The following SLC22A24 variants were observed in gnomAD, a reference collection of about 807,000 sequenced individuals.
The protein encoded by SLC22A24 is steroid transmembrane transporter SLC22A24.
SLC22A24 carries 53 observed loss-of-function variants against 49.8 expected under a neutral mutation model. The ratio of observed to expected loss-of-function variants is 1.06; its 90% CI spans 0.85 to 1.34. SLC22A24 has a LOEUF of 1.34. Ranked by LOEUF, SLC22A24 falls within the 40% of genes most tolerant of loss-of-function variation. SLC22A24 has a pLI of 0.00. For missense variants in SLC22A24, 786 were observed against 675.9 expected (o/e 1.16, Z -1.81); for synonymous variants, 302 against 256.4 (o/e 1.18, Z -1.70).
At chr11:63,137,982 A>G (rs2087387523) in intron 1 of SLC22A24, 1 of 152,420 alleles carries the variant, frequency 6.6e-6, no homozygotes, top group Admixed American at 6.5e-5. Flanking sequence ...ATTAATAAAA[A>G]AAGGATTTAT....
chr11:63,098,956 A>G (rs763338362), intron 5 of SLC22A24, among the ~76,000 whole-genome samples: 52 of 152,156 alleles, frequency 3.4e-4, no homozygotes, highest in Admixed American at 1.4e-3. Flanking sequence ...CAGAAATTCA[A>G]AGGGTTATTA....
chr11:63,124,917 C>T (rs914121089), intron 2 of SLC22A24, among the ~76,000 whole-genome samples: 3 of 148,438 alleles, frequency 2.0e-5, no homozygotes, highest in African/African-American at 7.5e-5. Context: ...AACACATGGA[C>T]ACAGGAAGGG....
In SLC22A24 at chr11:63,127,496, G is replaced by T. The variant is rs1260784008; in HGVS notation, c.506+7169C>A. On this transcript the variant is annotated intron_variant, in intron 2 of 9. Transcript: ENST00000612278. ...TATAATCCTTTGGGTATATACCCAG[G>T]AATGTGATTGCTGGGTCAAATGGTA... 2.0e-5 allele frequency among the ~76,000 whole-genome samples: 3 copies of T among 152,104 alleles called. No homozygotes were observed. In the South Asian group the frequency reaches 6.2e-4, roughly 32 times the overall value.
At chr11:63,112,707 T>A (rs1377809826) in intron 4 of SLC22A24, among the ~76,000 whole-genome samples, 25 of 152,106 alleles carry the variant, frequency 1.6e-4, no homozygotes, top group Admixed American at 1.6e-3. Context: ...CTGCATCTTT[T>A]AACTGGGGCA....
Position 63,083,362 on chromosome 11 carries a change from G to T in SLC22A24, c.1166C>A (p.Thr389Lys). The change falls in exon 7 of 10, where the codon ACA becomes AAA. Residue 389 changes from threonine to lysine, a missense_variant. By Grantham distance (78) the Thr-to-Lys change is moderately conservative. Coordinates refer to ENST00000612278, the MANE Select transcript of SLC22A24 (RefSeq NM_001136506.2). ...SLFQILCGAVTFTARCVSLLT... is the reference protein window; with the variant it reads ...SLFQILCGAVKFTARCVSLLT... ...AAGGGAAACACATCTGGCTGTGAATGTGACAGCTCCACAGAGAATCTGGAA... is the reference window on the plus strand; with the variant it reads ...AAGGGAAACACATCTGGCTGTGAATTTGACAGCTCCACAGAGAATCTGGAA... 11 of 1,552,670 alleles carry T rather than the reference G, an allele frequency of 7.1e-6. No homozygotes were observed. The highest frequency in any genetic ancestry group is 2.0e-5 in the Admixed American group (1 of 51,100).
chr11:63,111,162 T>C (rs983813395), intron 4 of SLC22A24, among the ~76,000 whole-genome samples: 4 of 152,000 alleles, frequency 2.6e-5, no homozygotes, highest in African/African-American at 4.8e-5. Context: ...TATTGATTTG[T>C]GTATGTTGAA....
rs1340221194 is a variant in SLC22A24 at position 63,127,140 on chromosome 11, C to G, written c.506+7525G>C. Among the ~76,000 whole-genome samples, 3 of 152,230 alleles carry G rather than the reference C, an allele frequency of 2.0e-5. No individual in the cohort carries two copies. The South Asian group carries it at 6.2e-4, about 32-fold the overall frequency. Reference sequence around the variant, plus strand: ...CTGTCACTGCCCCAGCCCCCCACTCCCTGACAGGCCCTGGTATGTGATGTT... The same window carrying G: ...CTGTCACTGCCCCAGCCCCCCACTCGCTGACAGGCCCTGGTATGTGATGTT... On this transcript the variant is annotated intron_variant, in intron 2 of 9. Coordinates refer to ENST00000612278, the MANE Select transcript of SLC22A24 (RefSeq NM_001136506.2).
At chr11:63,099,862 A>G (rs1590733723) in intron 5 of SLC22A24, among the ~76,000 whole-genome samples, 1 of 152,194 alleles carries the variant, frequency 6.6e-6, no homozygotes, top group East Asian at 1.9e-4. Flanking sequence ...AAAGCATTTG[A>G]TAAAATTCAA....
At chr11:63,105,721 G>A (rs1424388655) in intron 4 of SLC22A24, among the ~76,000 whole-genome samples, 1 of 151,886 alleles carries the variant, frequency 6.6e-6, no homozygotes, top group East Asian at 1.9e-4. Flanking sequence ...GATGGGAGGG[G>A]CTGCCCAAAT....
At chr11:63,137,361 C>A (rs2087382881) in intron 1 of SLC22A24, among the ~76,000 whole-genome samples, 1 of 152,164 alleles carries the variant, frequency 6.6e-6, no homozygotes, top group Non-Finnish European at 1.5e-5. Context: ...AGGGATCTCA[C>A]AAGGGGTTGT....
chr11:63,131,381 T>A (rs1389004933), intron 2 of SLC22A24, among the ~76,000 whole-genome samples: 2 of 152,212 alleles, frequency 1.3e-5, no homozygotes, highest in Non-Finnish European at 2.9e-5. Flanking sequence ...GTCAATGGTC[T>A]TTACAATTTG....
intron 2 of SLC22A24, among the ~76,000 whole-genome samples, chr11:63,122,728 G>A (rs1459213865): frequency 1.3e-5 from 2 of 152,152 alleles, no homozygotes; most frequent in East Asian, 1.9e-4. Context: ...CAGCATGTTG[G>A]CCAGGATGGT....
At chr11:63,107,538 A>G (rs1410387877) in intron 4 of SLC22A24, among the ~76,000 whole-genome samples, 1 of 152,168 alleles carries the variant, frequency 6.6e-6, no homozygotes, top group East Asian at 1.9e-4. Context: ...GGCCATTTTC[A>G]TAGTATTGAC....
chr11:63,080,900 CAGCT>C lies in SLC22A24; in HGVS notation c.1598+16_1598+19del. 6.5e-7 allele frequency: 1 copy of C among 1,546,094 alleles called. No individual in the cohort carries two copies. The highest frequency in any genetic ancestry group is 8.7e-7 in the Non-Finnish European group (1 of 1,143,170). ...ACATAGCCACTCCCCACTCAAGTGACAGCTAGAGGGTTTACTCACTCATTTTCCA... is the reference window on the plus strand; with the variant it reads ...ACATAGCCACTCCCCACTCAAGTGACAGAGGGTTTACTCACTCATTTTCCA... On this transcript the variant is annotated intron_variant, in intron 9 of 9. Transcript: ENST00000612278.
intron 4 of SLC22A24, among the ~76,000 whole-genome samples, chr11:63,117,807 A>G (rs2087222309): frequency 6.6e-6 from 1 of 152,216 alleles, no homozygotes; most frequent in Admixed American, 6.5e-5. Flanking sequence ...GCTGCCAGCC[A>G]AGAGTAGGCT....
In SLC22A24 at chr11:63,143,790, C is replaced by T. The variant is rs1264502484; in HGVS notation, c.-11G>A. 5.8e-6 allele frequency: 8 copies of T among 1,367,746 alleles called. No homozygotes were observed. The highest frequency in any genetic ancestry group is 3.9e-5 in the South Asian group (2 of 51,096). The allele number at this position is 1,367,746 out of a possible 1,614,324, so 84.7% of individuals were successfully genotyped here. A position where few individuals can be genotyped will look rare whatever the true frequency, so the allele number is the denominator to read the frequency against. On this transcript the variant is annotated 5_prime_UTR_variant, in exon 1 of 10. Coordinates refer to ENST00000612278, the MANE Select transcript of SLC22A24 (RefSeq NM_001136506.2). Reference sequence around the variant, plus strand: ...CACATCAAAGCCCATTGAGACTGAACAGGTGATCCCCAAGAGGAAGCACAA... The same window carrying T: ...CACATCAAAGCCCATTGAGACTGAATAGGTGATCCCCAAGAGGAAGCACAA...
chr11:63,123,910 A>G (rs971881064), intron 2 of SLC22A24, among the ~76,000 whole-genome samples: 1 of 152,142 alleles, frequency 6.6e-6, no homozygotes, highest in African/African-American at 2.4e-5. Flanking sequence ...TCAGTGGAGG[A>G]GTAAGTCTTT....
chr11:63,131,294 T>C (rs2087333606), intron 2 of SLC22A24, among the ~76,000 whole-genome samples: 3 of 152,142 alleles, frequency 2.0e-5, no homozygotes, highest in Admixed American at 2.0e-4. Flanking sequence ...GTTAATATTA[T>C]TATGTTTGAA....
intron 4 of SLC22A24, among the ~76,000 whole-genome samples, chr11:63,104,782 A>G (rs1029020839): frequency 2.0e-5 from 3 of 152,116 alleles, no homozygotes; most frequent in African/African-American, 7.2e-5. Flanking sequence ...GTCCCTCACT[A>G]AACCAGATCA....
Sources: gnomAD v4.1 joint callset for allele counts (sites outside exome capture counted in the v4.1 genomes callset) on GRCh38, gnomAD v4.1.1 for gene constraint, MANE v1.5 for transcripts, NCBI Gene and HGNC (gene_info 2026-07-23, HGNC 2026-07-21) for gene names.